The following ITIH1 variants were observed in gnomAD, a reference collection of about 807,000 sequenced individuals.
The protein encoded by ITIH1 is inter-alpha-trypsin inhibitor heavy chain H1.
Under a neutral mutation model 104.6 loss-of-function variants are expected in ITIH1, and 94 were observed. The ratio of observed to expected loss-of-function variants is 0.90; its 90% CI spans 0.76 to 1.07. The LOEUF is 1.07. Among genes scored for constraint, ITIH1 ranks in the 50% least tolerant of loss-of-function variants. The pLI, the probability that ITIH1 is intolerant of heterozygous loss-of-function variation, is 0.00. For synonymous variants in ITIH1, 455 were observed against 464.4 expected (o/e 0.98, Z 0.26); for missense variants, 1,193 against 1,181.4 (o/e 1.01, Z -0.14).
intron 10 of ITIH1, among the ~76,000 whole-genome samples, chr3:52,783,716 G>A (rs1319208944): frequency 1.3e-5 from 2 of 152,094 alleles, no homozygotes; most frequent in Non-Finnish European, 2.9e-5. Context: ...CCCTCAAAGA[G>A]CCCGGGACCT....
At chr3:52,781,213 T>TCA (rs1559461283) in intron 6 of ITIH1, among the ~76,000 whole-genome samples, 17 of 22,214 alleles carry the variant, frequency 7.7e-4, no homozygotes, top group African/African-American at 2.7e-3. Flanking sequence ...TTTTTTTTCT[T>TCA]CTTCTTCTTC....
chr3:52,786,141 A>G lies in ITIH1; in HGVS notation c.1594-154A>G, dbSNP rs115714616. On this transcript the variant is annotated intron_variant, in intron 12 of 21. Coordinates refer to ENST00000273283, the MANE Select transcript of ITIH1 (RefSeq NM_002215.4). ...TGCAGAGGGTGCTTGGCAAGAATCAACGAATAGGATGAGGCGAACAGGCTC... is the reference window on the plus strand; with the variant it reads ...TGCAGAGGGTGCTTGGCAAGAATCAGCGAATAGGATGAGGCGAACAGGCTC... Among the ~76,000 whole-genome samples the G allele has an allele frequency of 6.4e-3, 970 of 152,290 alleles. 13 individuals carry two copies. The highest frequency in any genetic ancestry group is 0.022 in the African/African-American group (925 of 41,562).
chr3:52,787,765 C>CCCTGGGGGAGGAGACAGAGAGGGGG, intron 16 of ITIH1, 153 bp downstream of exon 16: 5 of 990,584 alleles, frequency 5.0e-6, no homozygotes, highest in Non-Finnish European at 8.1e-6. Flanking sequence ...AGCCTGAGGT[C>CCCTGGGGGAGGAGACAGAGAGGGGG]CCTGGGGGAG....
intron 2 of ITIH1, 87 bp from the exon 3 acceptor site, chr3:52,778,253 G>T (rs1698951426): frequency 2.9e-6 from 4 of 1,378,634 alleles, no homozygotes; most frequent in South Asian, 2.4e-5. Context: ...ATGCACTGGG[G>T]CTAAGTGCCA....
In ITIH1 at chr3:52,787,589, C is replaced by T; in HGVS notation, c.1904-3C>T. On this transcript the variant is annotated splice_polypyrimidine_tract_variant and splice_region_variant and intron_variant, in intron 15 of 21. Transcript: ENST00000273283. The stretch of plus-strand genomic sequence containing the variant: ...TTCGATAATATGTCCTTGTCTTCTA[C>T]AGAGATGCTGGGACCCAGAAGGAGT... The T allele has an allele frequency of 1.2e-6, 2 of 1,614,200 alleles. No homozygotes were observed. The highest frequency in any genetic ancestry group is 1.7e-6 in the Non-Finnish European group (2 of 1,180,008).
chr3:52,781,849 A>G (rs996926765), intron 6 of ITIH1, 91 bp from the exon 7 acceptor site: 2 of 1,524,514 alleles, frequency 1.3e-6, no homozygotes, highest in Admixed American at 3.4e-5. Flanking sequence ...ACACACACAC[A>G]CACACACGCA....
chr3:52,790,718 C>T (rs1699330769), intron 19 of ITIH1, 31 bp from the exon 20 acceptor site: 2 of 1,605,672 alleles, frequency 1.2e-6, no homozygotes. Context: ...AGTGCAGCCG[C>T]ACCTGCCCTC....
At chr3:52,790,080 A>G (rs1699312601) in intron 19 of ITIH1, 1 of 571,444 alleles carries the variant, frequency 1.7e-6, no homozygotes, top group Admixed American at 3.0e-5. Flanking sequence ...ACCGCACCTT[A>G]GCTCTGAATG....
chr3:52,786,282 C>T lies in ITIH1; in HGVS notation c.1594-13C>T. 6.4e-7 allele frequency: 1 copy of T among 1,564,634 alleles called. No homozygotes were observed. Among genetic ancestry groups the T allele is most frequent in the Admixed American group, 1.9e-5 (1 of 52,252 alleles). On this transcript the variant is annotated splice_polypyrimidine_tract_variant and intron_variant, in intron 12 of 21. Coordinates refer to ENST00000273283, the MANE Select transcript of ITIH1 (RefSeq NM_002215.4). ...TCATGGTGCACCACCCCTCTCTGTA[C>T]CTCAACTCTCAGGAGGGACAAGAAT...
chr3:52,782,882 T>G, intron 8 of ITIH1, 75 bp from the exon 9 acceptor site: 3 of 1,384,406 alleles, frequency 2.2e-6, no homozygotes, highest in Non-Finnish European at 3.0e-6. Flanking sequence ...CTGAAATGGG[T>G]ATTTGGAGTT....
At position 52,781,209 on chromosome 3, in the gene ITIH1, TTCTTCTTCTTC is replaced by T. The variant is rs1486613737; in HGVS notation, c.688-729_688-719del. Among the ~76,000 whole-genome samples, 26 of 14,342 alleles carry T rather than the reference TTCTTCTTCTTC, an allele frequency of 1.8e-3. 1 individual carries two copies. The highest frequency in any genetic ancestry group is 7.1e-3 in the South Asian group (3 of 424). 9.4% of individuals were successfully genotyped at this position (14,342 alleles called of 152,430 possible). ...ACCTCCTCCTCTTCTTTTTTTTTTT[TTCTTCTTCTTC>T]TTCTTCTTCTTCTTCTTCTTCTTCT... On this transcript the variant is annotated intron_variant, in intron 6 of 21. Coordinates refer to ENST00000273283, the MANE Select transcript of ITIH1 (RefSeq NM_002215.4).
rs753030875 is a variant in ITIH1 at position 52,777,630 on chromosome 3, G to A, written c.15G>A (p.Met5Ile). The A allele has an allele frequency of 6.3e-7, 1 of 1,588,480 alleles. No homozygotes were observed. The highest frequency in any genetic ancestry group is 1.3e-5 in the African/African-American group (1 of 74,226). Residue 5 changes from methionine (M) to isoleucine (I), a missense_variant, in exon 1 of 22, where the codon ATG (methionine) becomes ATA (isoleucine). Met to Ile is a conservative substitution (Grantham distance 10, BLOSUM62 1). Transcript: ENST00000273283. The stretch of plus-strand genomic sequence containing the variant: ...AGCCTTAGAGCATGGACGGTGCCAT[G>A]GGGCCTCGGGGGCTGCTGTTGTGCA... MDGAMGPRGLLLCMY... is the reference protein window; with the variant it reads MDGAIGPRGLLLCMY...
chr3:52,778,462 C>A lies in ITIH1; in HGVS notation c.261C>A (p.Phe87Leu). ...NTANEAREVAFDLEIPKTAFI... is the reference protein window; with the variant it reads ...NTANEAREVALDLEIPKTAFI... ...CCAATGAAGCCAGGGAAGTGGCCTTCGACCTGGAAATCCCCAAGACAGCAT... is the reference window on the plus strand; with the variant it reads ...CCAATGAAGCCAGGGAAGTGGCCTTAGACCTGGAAATCCCCAAGACAGCAT... Residue 87 changes from phenylalanine to leucine, a missense_variant, in exon 3 of 22, where the codon TTC becomes TTA. Coordinates refer to ENST00000273283, the MANE Select transcript of ITIH1 (RefSeq NM_002215.4). 6.2e-7 allele frequency: 1 copy of A among 1,614,252 alleles called. No homozygotes were observed. Among genetic ancestry groups the A allele is most frequent in the Non-Finnish European group, 8.5e-7 (1 of 1,180,050 alleles).
intron 16 of ITIH1, 140 bp downstream of exon 16, chr3:52,787,752 C>T: frequency 3.7e-6 from 4 of 1,086,356 alleles, no homozygotes; most frequent in Non-Finnish European, 5.7e-6. Flanking sequence ...GCCTGGCCTC[C>T]CCAGCCTGAG....
chr3:52,783,831 C>T (rs58057636), intron 10 of ITIH1, among the ~76,000 whole-genome samples: 9,873 of 151,788 alleles, frequency 0.065, 1,084 homozygotes, highest in African/African-American at 0.22. Flanking sequence ...GGGGGATGTC[C>T]GGGAAGGCCT....
rs747206147 is a variant in ITIH1 at position 52,790,945 on chromosome 3, G to A, written c.2494+24G>A. ...GGGTACGGCTGGCCAGGCTGGCAGG[G>A]CTGTGGGGAAGGGTGTTGAAGCCAG... On this transcript the variant is annotated intron_variant, in intron 20 of 21. Coordinates refer to ENST00000273283, the MANE Select transcript of ITIH1 (RefSeq NM_002215.4). 29 of 1,584,524 alleles carry A rather than the reference G, an allele frequency of 1.8e-5. No homozygotes were observed. In the East Asian group the frequency reaches 5.0e-4, roughly 27 times the overall value.
chr3:52,777,922 C>T (rs1698944546), intron 1 of ITIH1, 75 bp from the exon 2 acceptor site: 4 of 1,576,466 alleles, frequency 2.5e-6, no homozygotes, highest in Non-Finnish European at 3.5e-6. Flanking sequence ...CTGTGTTCCA[C>T]TCCCATCCCT....
rs191667061 is a variant in ITIH1, at chr3:52,785,045, G to A, written c.1409G>A (p.Gly470Asp). Residue 470 changes from glycine (G) to aspartate (D), a missense_variant and splice_region_variant, in exon 12 of 22, where the codon GGT becomes GAT. Gly to Asp is a moderately conservative substitution (Grantham distance 94, BLOSUM62 -1). Transcript: ENST00000273283. The part of the protein sequence containing the change: ...EDHDATQQLQ[G>D]FYSQVAKPLL... ...AGGCTGCAACCTCTATCCCTGCAGG[G>A]TTTCTACAGCCAGGTAGCCAAACCC... The A allele has an allele frequency of 1.2e-6, 2 of 1,613,986 alleles. No individual in the cohort carries two copies. The highest frequency in any genetic ancestry group is 1.7e-6 in the Non-Finnish European group (2 of 1,179,978).
At position 52,784,484 on chromosome 3, in the gene ITIH1, C is replaced by T. The variant is rs79079712; in HGVS notation, c.1407+7C>T. 853 of 1,612,820 alleles carry T rather than the reference C, an allele frequency of 5.3e-4. 5 individuals are homozygous for T. In the African/African-American group the frequency reaches 0.01, roughly 19 times the overall value. On this transcript the variant is annotated splice_region_variant and intron_variant, in intron 11 of 21. Transcript: ENST00000273283. Reference sequence around the variant, plus strand: ...TGCCACCCAGCAGCTGCAGGTCTCCCCTCACAACCCCCTGTACCTCCAATG... The same window carrying T: ...TGCCACCCAGCAGCTGCAGGTCTCCTCTCACAACCCCCTGTACCTCCAATG...
Sources: gnomAD v4.1 joint callset for allele counts (sites outside exome capture counted in the v4.1 genomes callset) on GRCh38, gnomAD v4.1.1 for gene constraint, MANE v1.5 for transcripts, NCBI Gene and HGNC (gene_info 2026-07-23, HGNC 2026-07-21) for gene names.